Variants in HDX observed in about 807,000 individuals in gnomAD.
HDX encodes the protein chromosome X open reading frame 43.
A neutral mutation model predicts 45.2 loss-of-function variants in HDX; 19 were observed. That is an observed-to-expected ratio of 0.42 (90% CI 0.29 to 0.62). The LOEUF is 0.62. Ranked by LOEUF, HDX falls within the 20% of genes least tolerant of loss-of-function variation. The probability of loss-of-function intolerance (pLI) is 0.20; values close to 1 mark genes in which losing one functional copy is unlikely to be tolerated. For missense variants in HDX, 532 were observed against 493.9 expected, an observed-to-expected ratio of 1.08 and a Z score of -0.73; for synonymous variants, 188 against 172.8, an observed-to-expected ratio of 1.09 and a Z score of -0.69.
intron 2 of HDX, among the ~76,000 whole-genome samples, chrX:84,487,655 CAGGTT>C (rs2040822212): frequency 8.9e-6 from 1 of 111,875 alleles, no homozygotes; most frequent in Admixed American, 9.5e-5. Flanking sequence ...AAGCTTTCCA[CAGGTT>C]GATGCCCAGT....
intron 5 of HDX, among the ~76,000 whole-genome samples, chrX:84,416,766 T>A (rs1163360341): frequency 1.8e-5 from 2 of 111,784 alleles, no homozygotes; most frequent in South Asian, 3.7e-4. Flanking sequence ...TTATTTAACT[T>A]CATGTATCCA....
rs1444560529 is a variant in HDX, at chrX:84,469,237, A to G, written c.486T>C (p.Cys162=). The G allele has an allele frequency of 1.7e-6, 2 of 1,210,039 alleles. No individual in the cohort carries two copies. Among genetic ancestry groups the G allele is most frequent in the East Asian group, 3.0e-5 (1 of 33,847 alleles). ...CACCTAGGAGTAGGGAAGCATTTTT[A>G]CAGTGTGCTACTTGTCTTTGGACAG... ...HIPVQRQVAH[C]KNASLLLGEK... The change falls in exon 4 of 11, where the codon TGT becomes TGC. Residue 162 remains cysteine, a synonymous_variant. Coordinates refer to ENST00000373177, the MANE Select transcript of HDX (RefSeq NM_001177479.2).
chrX:84,330,425 A>T (rs1433018185), intron 9 of HDX, among the ~76,000 whole-genome samples: 2 of 111,773 alleles, frequency 1.8e-5, no homozygotes, highest in Non-Finnish European at 3.8e-5. Flanking sequence ...TATCATATTC[A>T]ATCTATTAAC....
At chrX:84,380,880 AAG>A (rs749603909) in intron 5 of HDX, among the ~76,000 whole-genome samples, 65 of 111,317 alleles carry the variant, frequency 5.8e-4, no homozygotes, top group Non-Finnish European at 1.2e-3. Flanking sequence ...GCAATGAGAA[AAG>A]AGAAAAAATA....
chrX:84,422,179 T>C (rs778366399), intron 5 of HDX, among the ~76,000 whole-genome samples: 3 of 112,017 alleles, frequency 2.7e-5, no homozygotes, highest in Non-Finnish European at 3.8e-5. Flanking sequence ...AATGAAAAAG[T>C]AACAAGCATC....
chrX:84,321,739 T>C lies in HDX; in HGVS notation c.*150A>G. On this transcript the variant is annotated 3_prime_UTR_variant, in exon 11 of 11. Coordinates refer to ENST00000373177, the MANE Select transcript of HDX (RefSeq NM_001177479.2). ...CTACATTTTTGTTGCACTGTAGCCA[T>C]TATATCTTGTACATTCTTCACAGAA... is the stretch of plus-strand genomic sequence containing the variant. The C allele has an allele frequency of 2.8e-6, 1 of 360,000 alleles. No homozygotes were observed. The highest frequency in any genetic ancestry group is 4.7e-6 in the Non-Finnish European group (1 of 210,780). The allele number at this position is 360,000 out of a possible 1,213,427, so 29.7% of individuals were successfully genotyped here.
chrX:84,378,545 T>G (rs187692692), intron 5 of HDX, among the ~76,000 whole-genome samples: 30 of 111,942 alleles, frequency 2.7e-4, no homozygotes, highest in Admixed American at 1.1e-3. Flanking sequence ...AGTTTTCTTT[T>G]GTTTGTTTAT....
intron 1 of HDX, among the ~76,000 whole-genome samples, chrX:84,495,877 G>C (rs771589741): frequency 1.8e-5 from 2 of 111,510 alleles, no homozygotes; most frequent in African/African-American, 6.5e-5. Flanking sequence ...ATTCAGACTT[G>C]TGCCTTCTGG....
At chrX:84,496,388 A>T (rs1184985625) in intron 1 of HDX, among the ~76,000 whole-genome samples, 4 of 110,682 alleles carry the variant, frequency 3.6e-5, no homozygotes, top group African/African-American at 1.3e-4. Flanking sequence ...ATTAGTAAGT[A>T]ACTGGGAGGT....
intron 1 of HDX, among the ~76,000 whole-genome samples, chrX:84,489,438 G>A (rs1390642815): frequency 3.6e-5 from 4 of 111,813 alleles, no homozygotes; most frequent in African/African-American, 9.7e-5. Flanking sequence ...AGCAAGCGGG[G>A]TTTTGGTTGG....
intron 5 of HDX, among the ~76,000 whole-genome samples, chrX:84,394,770 G>C (rs78960391): frequency 4.3e-5 from 1 of 23,257 alleles, no homozygotes; most frequent in Non-Finnish European, 1.6e-4. Flanking sequence ...TCTCTTTTCA[G>C]TTTTTTTTTA....
chrX:84,463,383 T>C (rs1301159920), intron 4 of HDX, among the ~76,000 whole-genome samples: 1 of 111,390 alleles, frequency 9.0e-6, no homozygotes, highest in Non-Finnish European at 1.9e-5. Flanking sequence ...GTTATTAAAC[T>C]TTCGTTTCTT....
At chrX:84,353,797 C>T (rs1054351604) in intron 6 of HDX, among the ~76,000 whole-genome samples, 3 of 111,331 alleles carry the variant, frequency 2.7e-5, no homozygotes, top group Non-Finnish European at 5.7e-5. Flanking sequence ...AGTTTCCATC[C>T]TCTTTTTGCA....
chrX:84,418,389 T>G (rs1480606355), intron 5 of HDX, among the ~76,000 whole-genome samples: 1 of 111,875 alleles, frequency 8.9e-6, no homozygotes, highest in Non-Finnish European at 1.9e-5. Context: ...TAAGTATATT[T>G]GCAAGAAAAT....
At chrX:84,365,944 C>T (rs1268328296) in intron 5 of HDX, among the ~76,000 whole-genome samples, 1 of 112,007 alleles carries the variant, frequency 8.9e-6, no homozygotes, top group Non-Finnish European at 1.9e-5. Context: ...TGCCCTCTCT[C>T]ACCACTCCAA....
At position 84,319,902 on chromosome X, in the gene HDX, C is replaced by G. The variant is rs993697922; in HGVS notation, c.*1987G>C. The stretch of plus-strand genomic sequence containing the variant: ...TCGATTTAGTGACTAATGGCTGATG[C>G]GTGACAAATAAAATCTATAGTGTTA... On this transcript the variant is annotated 3_prime_UTR_variant, in exon 11 of 11. Transcript: ENST00000373177. The G allele has an allele frequency of 9.0e-6, 1 of 110,970 alleles. No individual in the cohort carries two copies. Among genetic ancestry groups the G allele is most frequent in the Non-Finnish European group, 1.9e-5 (1 of 52,482 alleles). The allele number at this position is 110,970 out of a possible 1,213,427, so 9.1% of individuals were successfully genotyped here.
chrX:84,491,992 GCT>G (rs2040901830), intron 1 of HDX, among the ~76,000 whole-genome samples: 1 of 111,255 alleles, frequency 9.0e-6, no homozygotes, highest in South Asian at 3.8e-4. Flanking sequence ...GATTTCTGAA[GCT>G]CTCTCCATAT....
chrX:84,428,900 G>A (rs1339748749), intron 5 of HDX, among the ~76,000 whole-genome samples: 3 of 109,850 alleles, frequency 2.7e-5, no homozygotes, highest in Admixed American at 9.7e-5. Context: ...TATAGTGCGC[G>A]CTATGGACCA....
At chrX:84,452,110 T>G (rs887634015) in intron 4 of HDX, among the ~76,000 whole-genome samples, 2 of 111,249 alleles carry the variant, frequency 1.8e-5, no homozygotes, top group African/African-American at 6.5e-5. Context: ...TGGAAGAAGA[T>G]AAGCATGCCT....
Sources: allele counts gnomAD v4.1 joint callset (sites outside exome capture counted in the v4.1 genomes callset), GRCh38; gene constraint gnomAD v4.1.1; transcripts MANE v1.5; gene names NCBI Gene and HGNC (gene_info 2026-07-23, HGNC 2026-07-21).